IFT122: variants seen among roughly 807,000 people sequenced by gnomAD.
IFT122 encodes the protein intraflagellar transport protein 122 homolog.
IFT122 carries 118 observed loss-of-function variants against 161.6 expected under a neutral mutation model. The ratio of observed to expected loss-of-function variants is 0.73; its 90% CI spans 0.63 to 0.85. The LOEUF is 0.85. Ranked by LOEUF, IFT122 falls within the 40% of genes least tolerant of loss-of-function variation. The pLI is 0.00. For missense variants in IFT122, 1,381 were observed against 1,579.6 expected (o/e 0.87, Z 2.13); for synonymous variants, 550 against 602.4 (o/e 0.91, Z 1.27).
intron 1 of IFT122, among the ~76,000 whole-genome samples, chr3:129,446,114 A>G (rs140927947): frequency 3.3e-4 from 50 of 152,064 alleles, no homozygotes; most frequent in African/African-American, 1.2e-3. Context: ...ACATTTTACA[A>G]ACTCTCCTCT....
At position 129,519,148 on chromosome 3, in the gene IFT122, G is replaced by A. The variant is rs1474338546; in HGVS notation, c.3433G>A (p.Gly1145Arg). 3.1e-6 allele frequency: 5 copies of A among 1,613,974 alleles called. No homozygotes were observed. The highest frequency in any genetic ancestry group is 2.2e-5 in the East Asian group (1 of 44,886). Reference protein sequence around the residue: ...LRLVETKDSIGDEDPFTAKLS... With the variant: ...LRLVETKDSIRDEDPFTAKLS... ...GCTAGTGGAGACCAAGGACTCCATC[G>A]GAGATGAGGACCCGTTCACAGCTAA... is the stretch of plus-strand genomic sequence containing the variant. The change falls in exon 28 of 30, where the codon GGA (glycine) becomes AGA (arginine). Residue 1145 changes from glycine to arginine, a missense_variant. Transcript: ENST00000348417.
chr3:129,516,694 G>GCGCGCACACACA (rs1243629398), intron 26 of IFT122, among the ~76,000 whole-genome samples: 12 of 50,218 alleles, frequency 2.4e-4, no homozygotes, highest in South Asian at 2.1e-3. Flanking sequence ...GATTGCTCCT[G>GCGCGCACACACA]CACACACACA....
At chr3:129,503,785 G>A (rs2081895115) in intron 20 of IFT122, among the ~76,000 whole-genome samples, 1 of 152,158 alleles carries the variant, frequency 6.6e-6, no homozygotes, top group Non-Finnish European at 1.5e-5. Flanking sequence ...GAGCATCTTA[G>A]AATGACTCAG....
At chr3:129,498,970 C>A (rs147179235) in intron 18 of IFT122, among the ~76,000 whole-genome samples, 1 of 152,220 alleles carries the variant, frequency 6.6e-6, no homozygotes, top group Non-Finnish European at 1.5e-5. Flanking sequence ...GTTTCTCACA[C>A]ATTGTAGGGC....
At chr3:129,509,719 A>G (rs1283583691) in intron 23 of IFT122, among the ~76,000 whole-genome samples, 1 of 152,194 alleles carries the variant, frequency 6.6e-6, no homozygotes, top group Non-Finnish European at 1.5e-5. Flanking sequence ...TCCAGAGCCA[A>G]TATGTGAGTC....
At chr3:129,502,422 G>A (rs1011619739) in intron 19 of IFT122, among the ~76,000 whole-genome samples, 1 of 152,134 alleles carries the variant, frequency 6.6e-6, no homozygotes. Flanking sequence ...GCGTCATCTG[G>A]GTACCTGGTA....
chr3:129,455,827 T>G (rs904359265), intron 3 of IFT122, among the ~76,000 whole-genome samples: 1 of 152,104 alleles, frequency 6.6e-6, no homozygotes, highest in Admixed American at 6.5e-5. Context: ...GAAAAATATA[T>G]TTACTCTTCA....
intron 3 of IFT122, among the ~76,000 whole-genome samples, chr3:129,455,067 CAG>C (rs1469946305): frequency 1.3e-5 from 2 of 152,118 alleles, no homozygotes; most frequent in East Asian, 3.8e-4. Flanking sequence ...TTTTAGTCCT[CAG>C]AATTGGTTTT....
intron 1 of IFT122, among the ~76,000 whole-genome samples, chr3:129,445,323 C>G (rs1246540753): frequency 6.7e-6 from 1 of 150,140 alleles, no homozygotes; most frequent in Non-Finnish European, 1.5e-5. Context: ...AAGACTCCAC[C>G]TCAAAAAAAA....
chr3:129,468,549 G>C (rs533585523), intron 8 of IFT122, among the ~76,000 whole-genome samples: 1 of 152,266 alleles, frequency 6.6e-6, no homozygotes, highest in South Asian at 2.1e-4. Context: ...TCCCCATGTT[G>C]GCCAGGCTGG....
chr3:129,489,443 G>A (rs1453166698), intron 16 of IFT122, among the ~76,000 whole-genome samples: 3 of 152,208 alleles, frequency 2.0e-5, no homozygotes, highest in Non-Finnish European at 4.4e-5. Flanking sequence ...GCAGATGCTA[G>A]CCATTACTAA....
intron 22 of IFT122, 30 bp from the exon 23 acceptor site, chr3:129,507,638 G>C: frequency 6.3e-7 from 1 of 1,587,112 alleles, no homozygotes; most frequent in Non-Finnish European, 8.7e-7. Flanking sequence ...TGTTTGACAC[G>C]TTTCCCCTCC....
intron 9 of IFT122, 174 bp from the exon 10 acceptor site, chr3:129,476,141 T>TG: frequency 1.4e-6 from 1 of 696,014 alleles, no homozygotes; most frequent in Non-Finnish European, 2.5e-6. Context: ...AGTAGGGAGA[T>TG]GCAGAGGCAG....
At chr3:129,499,126 C>T (rs2081236804) in intron 18 of IFT122, among the ~76,000 whole-genome samples, 1 of 152,192 alleles carries the variant, frequency 6.6e-6, no homozygotes, top group South Asian at 2.1e-4. Flanking sequence ...GCCTCAGATT[C>T]CCCCATGGCC....
intron 8 of IFT122, 81 bp from the exon 9 acceptor site, chr3:129,469,261 T>A: frequency 8.1e-7 from 1 of 1,236,672 alleles, no homozygotes; most frequent in Non-Finnish European, 1.2e-6. Flanking sequence ...GACTTCCTTG[T>A]TCCTGTTGTT....
intron 7 of IFT122, among the ~76,000 whole-genome samples, chr3:129,465,110 TATGA>T (rs1276020908): frequency 8.1e-6 from 1 of 122,864 alleles, no homozygotes; most frequent in Non-Finnish European, 1.6e-5. Flanking sequence ...TGTACATGTA[TATGA>T]GTGTGTGTGT....
Position 129,479,873 on chromosome 3 carries a change from G to A in IFT122, c.1439G>A (p.Gly480Asp), listed in dbSNP as rs2078427473. 2 of 1,613,960 alleles carry A rather than the reference G, an allele frequency of 1.2e-6. No individual in the cohort carries two copies. The highest frequency in any genetic ancestry group is 2.7e-5 in the African/African-American group (2 of 74,906). ...CTCATTCGTTACATCAAGGTGATCG[G>A]TGGCCCTCCTGGAAGAGAAGGCCTC... ...ESLIRYIKVIGGPPGREGLLV... is the reference protein window; with the variant it reads ...ESLIRYIKVIDGPPGREGLLV... Residue 480 changes from glycine to aspartate, a missense_variant, in exon 13 of 30, where the codon GGT becomes GAT. Physicochemically the swap from Gly to Asp is moderately conservative, Grantham distance 94. Coordinates refer to ENST00000348417, the MANE Select transcript of IFT122 (RefSeq NM_052989.3).
chr3:129,519,631 C>T lies in IFT122; in HGVS notation c.3535C>T (p.Arg1179Trp), dbSNP rs567261453. 2.8e-5 allele frequency: 45 copies of T among 1,613,602 alleles called. No homozygotes were observed. Among genetic ancestry groups the T allele is most frequent in the African/African-American group, 1.2e-4 (9 of 75,008 alleles). ...GCTGGTGCTGCGCTCCATGAGCCGCCGGGATGTCCTCATCAAGCGATGGCC... is the reference window on the plus strand; with the variant it reads ...GCTGGTGCTGCGCTCCATGAGCCGCTGGGATGTCCTCATCAAGCGATGGCC... The part of the protein sequence containing the change: ...SRLVLRSMSR[R>W]DVLIKRWPPP... Residue 1179 changes from arginine (R) to tryptophan (W), a missense_variant, in exon 29 of 30, where the codon CGG becomes TGG. By Grantham distance (101) the Arg-to-Trp change is moderately radical. This residue lies in a region of IFT122 where 177 missense variants were observed against 199.2 expected (regional missense o/e 0.89). Coordinates refer to ENST00000348417, the MANE Select transcript of IFT122 (RefSeq NM_052989.3).
At chr3:129,451,016 G>A (rs1318354017) in intron 2 of IFT122, among the ~76,000 whole-genome samples, 2 of 152,066 alleles carry the variant, frequency 1.3e-5, no homozygotes, top group Admixed American at 6.5e-5. Flanking sequence ...CACCGCGCCC[G>A]GCCAGATGGT....
Sources: gnomAD v4.1 joint callset for allele counts (sites outside exome capture counted in the v4.1 genomes callset) on GRCh38, gnomAD v4.1.1 for gene constraint, gnomAD v4.1.1 regional missense constraint, MANE v1.5 for transcripts, NCBI Gene and HGNC (gene_info 2026-07-23, HGNC 2026-07-21) for gene names.